Variants in SYT14 observed in about 807,000 individuals in gnomAD.
SYT14 encodes synaptotagmin-14.
In SYT14, 32 loss-of-function variants were observed where a neutral mutation model predicts 74.2. That is an observed-to-expected ratio of 0.43 (90% CI 0.33 to 0.58). SYT14 has a LOEUF of 0.58. SYT14 is among the 20% of genes least tolerant of loss of function. The pLI is 0.05. For synonymous variants in SYT14, 298 were observed against 337.7 expected, an observed-to-expected ratio of 0.88 and a Z score of 1.29; for missense variants, 791 against 981.8, an observed-to-expected ratio of 0.81 and a Z score of 2.60.
At chr1:209,990,579 ATTTC>A (rs2079664215) in intron 2 of SYT14, among the ~76,000 whole-genome samples, 1 of 139,360 alleles carries the variant, frequency 7.2e-6, no homozygotes, top group African/African-American at 2.7e-5. Context: ...ATGTATGTAT[ATTTC>A]TTGTTTTAAT....
chr1:209,979,896 A>C (rs1173081215), intron 2 of SYT14, among the ~76,000 whole-genome samples: 1 of 152,204 alleles, frequency 6.6e-6, no homozygotes, highest in Non-Finnish European at 1.5e-5. Context: ...GCTATTGTGA[A>C]TAGTGCTACA....
At chr1:210,007,559 C>A (rs1379672437) in intron 2 of SYT14, among the ~76,000 whole-genome samples, 2 of 151,658 alleles carry the variant, frequency 1.3e-5, no homozygotes, top group Non-Finnish European at 2.9e-5. Flanking sequence ...ATTAGAATTC[C>A]AGTTTTAAAA....
At chr1:210,075,932 A>G (rs1206711948) in intron 5 of SYT14, among the ~76,000 whole-genome samples, 1 of 152,190 alleles carries the variant, frequency 6.6e-6, no homozygotes, top group Non-Finnish European at 1.5e-5. Flanking sequence ...TATTTTTTAA[A>G]TATTAAGTAT....
chr1:210,081,278 A>G (rs1331300990), intron 5 of SYT14, among the ~76,000 whole-genome samples: 1 of 152,188 alleles, frequency 6.6e-6, no homozygotes, highest in East Asian at 1.9e-4. Context: ...ATATGATATG[A>G]ACAAAACATT....
intron 7 of SYT14, among the ~76,000 whole-genome samples, chr1:210,143,139 T>C (rs1034304791): frequency 6.6e-6 from 1 of 152,046 alleles, no homozygotes; most frequent in African/African-American, 2.4e-5. Flanking sequence ...GGAGGAAAAA[T>C]CACCAGTGTA....
At chr1:210,012,966 T>C (rs1162514530) in intron 2 of SYT14, among the ~76,000 whole-genome samples, 3 of 152,124 alleles carry the variant, frequency 2.0e-5, no homozygotes, top group East Asian at 3.9e-4. Flanking sequence ...CCTCCCAAAA[T>C]GCTGGGATTG....
At chr1:210,059,485 G>C (rs1427903603) in intron 5 of SYT14, among the ~76,000 whole-genome samples, 2 of 147,462 alleles carry the variant, frequency 1.4e-5, no homozygotes, top group Middle Eastern at 3.2e-3. Flanking sequence ...GAGAGAGAGA[G>C]AGACATGAAT....
chr1:209,968,782 A>C (rs1321561797), intron 2 of SYT14, among the ~76,000 whole-genome samples: 1 of 150,730 alleles, frequency 6.6e-6, no homozygotes, highest in African/African-American at 2.4e-5. Flanking sequence ...GTACATGTGC[A>C]GGTTTGTTAA....
At chr1:210,158,649 A>G (rs963652045) in intron 8 of SYT14, among the ~76,000 whole-genome samples, 1 of 152,168 alleles carries the variant, frequency 6.6e-6, no homozygotes, top group African/African-American at 2.4e-5. Context: ...CACAGAGTCG[A>G]TGTTTCAGGT....
intron 2 of SYT14, among the ~76,000 whole-genome samples, chr1:210,000,512 T>C (rs1169759916): frequency 7.1e-6 from 1 of 141,476 alleles, no homozygotes; most frequent in African/African-American, 3.0e-5. Flanking sequence ...TCTAAGAAAA[T>C]GTTCTTAGAT....
chr1:210,129,425 G>T (rs2082631096), intron 7 of SYT14, among the ~76,000 whole-genome samples: 1 of 152,160 alleles, frequency 6.6e-6, no homozygotes, highest in Non-Finnish European at 1.5e-5. Context: ...CTACAGGGAT[G>T]GGACGCACTG....
At chr1:209,959,357 T>G (rs2102705967) in intron 2 of SYT14, among the ~76,000 whole-genome samples, 1 of 152,210 alleles carries the variant, frequency 6.6e-6, no homozygotes, top group East Asian at 1.9e-4. Flanking sequence ...TTGGCCAGGC[T>G]GGTCTCAAAC....
chr1:210,124,094 A>G (rs1029252340), intron 7 of SYT14, among the ~76,000 whole-genome samples: 1 of 152,180 alleles, frequency 6.6e-6, no homozygotes, highest in African/African-American at 2.4e-5. Context: ...AGCACTGCCT[A>G]TTTGTTTTCA....
chr1:210,099,791 A>G (rs191534388), intron 6 of SYT14, among the ~76,000 whole-genome samples: 1 of 152,334 alleles, frequency 6.6e-6, no homozygotes, highest in Admixed American at 6.5e-5. Context: ...TAAATTCTAA[A>G]CGTGTCTTTA....
chr1:210,090,455 A>G (rs2081844089), intron 5 of SYT14, among the ~76,000 whole-genome samples: 1 of 152,158 alleles, frequency 6.6e-6, no homozygotes, highest in South Asian at 2.1e-4. Context: ...AAAGTTAAGA[A>G]CCACAGGTCA....
At chr1:209,957,809 A>C (rs1027803990) in intron 2 of SYT14, among the ~76,000 whole-genome samples, 1 of 152,180 alleles carries the variant, frequency 6.6e-6, no homozygotes, top group African/African-American at 2.4e-5. Context: ...ACTGGGAGAC[A>C]TGGAGTTAGG....
intron 5 of SYT14, among the ~76,000 whole-genome samples, chr1:210,039,924 T>C (rs1287045180): frequency 6.6e-6 from 1 of 152,160 alleles, no homozygotes; most frequent in African/African-American, 2.4e-5. Flanking sequence ...ACTTTTACAC[T>C]GTTGGTGGGA....
intron 2 of SYT14, among the ~76,000 whole-genome samples, chr1:209,976,923 CTCT>C (rs1465864598): frequency 1.3e-5 from 2 of 152,116 alleles, no homozygotes; most frequent in African/African-American, 2.4e-5. Context: ...GGATAGTTAG[CTCT>C]TCTTGTTGAA....
intron 5 of SYT14, among the ~76,000 whole-genome samples, chr1:210,062,328 A>G (rs1045087215): frequency 1.3e-5 from 2 of 151,912 alleles, no homozygotes; most frequent in African/African-American, 4.8e-5. Context: ...CAAATGGTTG[A>G]CTGCAAATAT....
Sources: allele counts gnomAD v4.1 joint callset (sites outside exome capture counted in the v4.1 genomes callset), GRCh38; gene constraint gnomAD v4.1.1; transcripts MANE v1.5; gene names NCBI Gene and HGNC (gene_info 2026-07-23, HGNC 2026-07-21).